Variants in CHL1 observed in about 807,000 individuals in gnomAD.
CHL1 encodes the protein neural cell adhesion molecule L1-like protein.
Under a neutral mutation model 141.9 loss-of-function variants are expected in CHL1, and 96 were observed. The observed-to-expected ratio is 0.68, with a 90% CI of 0.57 to 0.80. CHL1 has a LOEUF of 0.80. Ranked by LOEUF, CHL1 falls within the 30% of genes least tolerant of loss-of-function variation. The probability of loss-of-function intolerance (pLI) is 0.00; values close to 1 mark genes in which losing one functional copy is unlikely to be tolerated. For missense variants in CHL1, 1,820 were observed against 1,457.2 expected, an observed-to-expected ratio of 1.25 and a Z score of -4.05; for synonymous variants, 613 against 502.2, an observed-to-expected ratio of 1.22 and a Z score of -2.95.
rs1473549647 is a variant in CHL1, at chr3:197,018, G to GC, written c.-217dup. ...TCCCGGCCGGCTCGGGGGAGAAGGC[G>GC]CCCGAGGGGAGGCGCCGGACAGATC... On this transcript the variant is annotated 5_prime_UTR_variant, in exon 1 of 28. Transcript: ENST00000256509. 6.6e-6 allele frequency: 1 copy of GC among 152,136 alleles called. No homozygotes were observed. The highest frequency in any genetic ancestry group is 2.4e-5 in the African/African-American group (1 of 41,398). The allele number at this position is 152,136 out of a possible 1,614,324, so 9.4% of individuals were successfully genotyped here.
intron 2 of CHL1, among the ~76,000 whole-genome samples, chr3:290,322 T>C (rs1485431737): frequency 1.3e-5 from 2 of 152,084 alleles, no homozygotes; most frequent in Non-Finnish European, 2.9e-5. Flanking sequence ...TCTCTGCACA[T>C]GTTGGGGAAA....
intron 2 of CHL1, among the ~76,000 whole-genome samples, chr3:264,000 C>A (rs1354882297): frequency 1.3e-5 from 2 of 152,158 alleles, no homozygotes; most frequent in African/African-American, 4.8e-5. Context: ...TATTGATGGA[C>A]TGCACTATCA....
chr3:242,690 A>ACT (rs1692775676), intron 1 of CHL1, among the ~76,000 whole-genome samples: 1 of 94,156 alleles, frequency 1.1e-5, no homozygotes, highest in Admixed American at 1.3e-4. Context: ...AAACACACAC[A>ACT]CACACACAGA....
intron 3 of CHL1, among the ~76,000 whole-genome samples, chr3:323,487 T>C (rs2125056322): frequency 6.6e-6 from 1 of 152,172 alleles, no homozygotes; most frequent in Non-Finnish European, 1.5e-5. Context: ...AGTAAAATGG[T>C]TTAATGGTAC....
intron 2 of CHL1, among the ~76,000 whole-genome samples, chr3:284,162 A>G (rs968040219): frequency 1.3e-5 from 2 of 152,200 alleles, no homozygotes; most frequent in African/African-American, 4.8e-5. Context: ...AACAAAAGAT[A>G]TTACTAATAA....
In CHL1 at chr3:319,834, A is replaced by G. The variant is rs377032134; in HGVS notation, c.58A>G (p.Lys20Glu). 6.6e-5 allele frequency: 106 copies of G among 1,606,462 alleles called. No individual in the cohort carries two copies. Among genetic ancestry groups the G allele is most frequent in the Non-Finnish European group, 8.3e-5 (97 of 1,174,932 alleles). Residue 20 changes from lysine to glutamate, a missense_variant, in exon 3 of 28, where the codon AAA becomes GAA. Coordinates refer to ENST00000256509, the MANE Select transcript of CHL1 (RefSeq NM_006614.4). ...LIVYLMFLLLKFSKAIEIPSS... is the reference protein window; with the variant it reads ...LIVYLMFLLLEFSKAIEIPSS... Reference sequence around the variant, plus strand: ...CGTATATCTAATGTTCCTCCTGTTAAAATTCTCAAAAGCAATTGAAATACC... The same window carrying G: ...CGTATATCTAATGTTCCTCCTGTTAGAATTCTCAAAAGCAATTGAAATACC...
intron 1 of CHL1, among the ~76,000 whole-genome samples, chr3:234,459 A>G (rs374984897): frequency 5.3e-4 from 80 of 152,158 alleles, no homozygotes; most frequent in Non-Finnish European, 2.5e-4. Flanking sequence ...CGTAGTTATC[A>G]AGACTAAAAT....
At chr3:337,440 G>A (rs7374410) in intron 5 of CHL1, among the ~76,000 whole-genome samples, 127,841 of 150,932 alleles carry the variant, frequency 0.85, 54,510 homozygotes, top group Non-Finnish European at 0.9. Flanking sequence ...ATATGTATAC[G>A]TGTGCCATGC....
chr3:370,016 AT>A (rs1377397194), intron 15 of CHL1, among the ~76,000 whole-genome samples: 15 of 151,930 alleles, frequency 9.9e-5, no homozygotes, highest in African/African-American at 3.1e-4. Flanking sequence ...TTTATTGAGG[AT>A]TTTTGCATCA....
chr3:266,460 T>A (rs1052037159), intron 2 of CHL1, among the ~76,000 whole-genome samples: 3 of 152,322 alleles, frequency 2.0e-5, no homozygotes, highest in Admixed American at 1.3e-4. Flanking sequence ...TACTTAGATT[T>A]AAGTTTCTTT....
chr3:325,859 A>C (rs1700965517), intron 3 of CHL1, 100 bp from the exon 4 acceptor site: 2 of 657,832 alleles, frequency 3.0e-6, no homozygotes, highest in African/African-American at 3.7e-5. Flanking sequence ...TCATCCTTTC[A>C]CTTATCAGTA....
At chr3:328,586 A>T (rs973016572) in intron 5 of CHL1, 10 of 360,528 alleles carry the variant, frequency 2.8e-5, no homozygotes, top group Non-Finnish European at 5.0e-5. Context: ...AACATGGAAA[A>T]ATATAATATC....
intron 2 of CHL1, among the ~76,000 whole-genome samples, chr3:253,101 T>A (rs1378777432): frequency 2.0e-5 from 3 of 152,142 alleles, no homozygotes; most frequent in African/African-American, 4.8e-5. Flanking sequence ...TGAGCCTTAA[T>A]TTCTCATCAG....
intron 5 of CHL1, among the ~76,000 whole-genome samples, chr3:336,787 G>T (rs1488694663): frequency 1.3e-5 from 2 of 152,164 alleles, no homozygotes; most frequent in African/African-American, 4.8e-5. Context: ...TTGGGATGAT[G>T]AGTTTTCAAA....
intron 10 of CHL1, among the ~76,000 whole-genome samples, chr3:351,224 A>G (rs1703226139): frequency 6.6e-6 from 1 of 152,230 alleles, no homozygotes; most frequent in Non-Finnish European, 1.5e-5. Context: ...GCAATTTAAA[A>G]TGTTGACTAT....
chr3:370,766 C>T (rs972386970), intron 15 of CHL1, among the ~76,000 whole-genome samples: 2 of 152,188 alleles, frequency 1.3e-5, no homozygotes, highest in East Asian at 3.8e-4. Context: ...TCCCTCTTAA[C>T]ACTGCTTTAG....
intron 11 of CHL1, among the ~76,000 whole-genome samples, chr3:355,737 A>C (rs1037876389): frequency 1.3e-5 from 2 of 152,078 alleles, no homozygotes; most frequent in Non-Finnish European, 2.9e-5. Context: ...TTAAACTGCA[A>C]AATGGAGATA....
intron 5 of CHL1, among the ~76,000 whole-genome samples, chr3:329,877 A>G (rs1210932790): frequency 2.0e-5 from 3 of 152,098 alleles, no homozygotes; most frequent in African/African-American, 7.2e-5. Context: ...GACATATATA[A>G]TGTTAAAATA....
intron 1 of CHL1, among the ~76,000 whole-genome samples, chr3:225,041 G>T (rs138341836): frequency 1.3e-5 from 2 of 152,030 alleles, no homozygotes; most frequent in Non-Finnish European, 1.5e-5. Context: ...GAGGCCGGGC[G>T]GGAGAACACT....
Sources: gnomAD v4.1 joint callset for allele counts (sites outside exome capture counted in the v4.1 genomes callset) on GRCh38, gnomAD v4.1.1 for gene constraint, MANE v1.5 for transcripts, NCBI Gene and HGNC (gene_info 2026-07-23, HGNC 2026-07-21) for gene names.